SLC17A9: variants seen among roughly 807,000 people sequenced by gnomAD.
The protein encoded by SLC17A9 is voltage-gated purine nucleotide uniporter SLC17A9.
SLC17A9 carries 49 observed loss-of-function variants against 55.0 expected under a neutral mutation model. The ratio of observed to expected loss-of-function variants is 0.89; its 90% CI spans 0.71 to 1.13. SLC17A9 has a LOEUF of 1.13. Among genes scored for constraint, SLC17A9 ranks in the 50% most tolerant of loss-of-function variants. The pLI is 0.00. For missense variants in SLC17A9, 526 were observed against 569.3 expected, an observed-to-expected ratio of 0.92 and a Z score of 0.77; for synonymous variants, 256 against 247.4, an observed-to-expected ratio of 1.03 and a Z score of -0.32.
intron 1 of SLC17A9, among the ~76,000 whole-genome samples, chr20:62,955,148 T>C (rs968678301): frequency 6.6e-6 from 1 of 151,958 alleles, no homozygotes; most frequent in African/African-American, 2.4e-5. Context: ...TCTTTTTTTT[T>C]TTGAGATGGA....
chr20:62,954,811 C>T (rs569506327), intron 1 of SLC17A9, among the ~76,000 whole-genome samples: 2 of 152,342 alleles, frequency 1.3e-5, no homozygotes, highest in African/African-American at 4.8e-5. Flanking sequence ...TTGACTTCCT[C>T]CTTCCAAGGA....
In SLC17A9 at chr20:62,967,578, G is replaced by T; in HGVS notation, c.*78G>T. ...CAGGGGACTCAGTGTGTGGGACTTG[G>T]TCACTCCATGTCAGACACACGAGCA... On this transcript the variant is annotated 3_prime_UTR_variant, in exon 13 of 13. Coordinates refer to ENST00000370351, the MANE Select transcript of SLC17A9 (RefSeq NM_022082.4). 5 of 1,439,562 alleles carry T rather than the reference G, an allele frequency of 3.5e-6. No individual in the cohort carries two copies. The highest frequency in any genetic ancestry group is 4.7e-6 in the Non-Finnish European group (5 of 1,071,816). The allele number at this position is 1,439,562 out of a possible 1,614,324, so 89.2% of individuals were successfully genotyped here.
rs1334455166 is a variant in SLC17A9, at chr20:62,967,551, C to T, written c.*51C>T. Reference sequence around the variant, plus strand: ...GACCCAGGCGCCAGCAGCCCCAGGACACAGGGGACTCAGTGTGTGGGACTT... The same window carrying T: ...GACCCAGGCGCCAGCAGCCCCAGGATACAGGGGACTCAGTGTGTGGGACTT... On this transcript the variant is annotated 3_prime_UTR_variant, in exon 13 of 13. Transcript: ENST00000370351. 6.3e-7 allele frequency: 1 copy of T among 1,581,740 alleles called. No individual in the cohort carries two copies. The highest frequency in any genetic ancestry group is 1.7e-4 in the Middle Eastern group (1 of 5,750).
chr20:62,961,018 G>A (rs996878272), intron 4 of SLC17A9, among the ~76,000 whole-genome samples: 6 of 151,596 alleles, frequency 4.0e-5, no homozygotes, highest in African/African-American at 1.2e-4. Context: ...GCTGGAGGGC[G>A]GCTTGTCCTC....
chr20:62,953,201 C>G (rs774559565), intron 1 of SLC17A9: 2 of 1,550,402 alleles, frequency 1.3e-6, no homozygotes, highest in East Asian at 4.9e-5. Flanking sequence ...GGAGGCATAC[C>G]CCTCGCCAGG....
chr20:62,962,787 C>T lies in SLC17A9; in HGVS notation c.628+33C>T. 13 of 1,609,160 alleles carry T rather than the reference C, an allele frequency of 8.1e-6. No homozygotes were observed. Among genetic ancestry groups the T allele is most frequent in the Non-Finnish European group, 1.1e-5 (13 of 1,177,172 alleles). ...AGGCCGGGCGGGCTAGTCCCGGGCG[C>T]CCACAGCTGCCCAGTGCCTCCTCCC... is the stretch of plus-strand genomic sequence containing the variant. On this transcript the variant is annotated intron_variant, in intron 5 of 12. Transcript: ENST00000370351. The surrounding 1 kb of genome is among the most constrained non-coding windows in gnomAD (Gnocchi z 5.5).
Position 62,956,741 on chromosome 20 carries a change from G to A in SLC17A9, c.60-24G>A. The A allele has an allele frequency of 5.0e-6, 8 of 1,603,438 alleles. No individual in the cohort carries two copies. In the South Asian group the frequency reaches 8.9e-5, roughly 18 times the overall value. ...AGCAGGGCCGTGGGGCCTCCCCAGG[G>A]CCTGACCATCTCCTGTCCCACAGGC... On this transcript the variant is annotated intron_variant, in intron 1 of 12. Coordinates refer to ENST00000370351, the MANE Select transcript of SLC17A9 (RefSeq NM_022082.4).
chr20:62,953,060 G>C (rs951835485), intron 1 of SLC17A9, 171 bp downstream of exon 1: 2 of 1,194,222 alleles, frequency 1.7e-6, no homozygotes, highest in African/African-American at 3.0e-5. Context: ...GGAAGTGAGT[G>C]CCCTGTCCTT....
At chr20:62,954,481 C>G (rs2147642470) in intron 1 of SLC17A9, among the ~76,000 whole-genome samples, 1 of 152,378 alleles carries the variant, frequency 6.6e-6, no homozygotes, top group East Asian at 1.9e-4. Context: ...AGAAAGTTCA[C>G]AGGAAGCAGG....
chr20:62,960,425 A>G, intron 3 of SLC17A9, 79 bp from the exon 4 acceptor site: 3 of 1,375,902 alleles, frequency 2.2e-6, no homozygotes, highest in Non-Finnish European at 2.0e-6. Flanking sequence ...CTCTGGAATC[A>G]CAGCCCAAAC....
chr20:62,966,883 T>C, intron 12 of SLC17A9, 151 bp downstream of exon 12: 2 of 966,404 alleles, frequency 2.1e-6, no homozygotes, highest in Non-Finnish European at 3.0e-6. Flanking sequence ...GAGAGGAGGA[T>C]GGGGCTGCCT....
intron 8 of SLC17A9, 73 bp from the exon 9 acceptor site, chr20:62,965,059 C>G (rs377129385): frequency 6.3e-7 from 1 of 1,576,600 alleles, no homozygotes; most frequent in East Asian, 2.2e-5. Context: ...TGCAGCCATT[C>G]GGGATGGGAC....
At chr20:62,963,722 G>A in intron 7 of SLC17A9, 42 bp downstream of exon 7, 1 of 1,535,070 alleles carries the variant, frequency 6.5e-7, no homozygotes, top group Non-Finnish European at 8.8e-7. Context: ...CGCCCAGAAG[G>A]CACGAGGCTT....
rs984609018 is a variant in SLC17A9 at position 62,959,294 on chromosome 20, G to A, written c.398-1210G>A. 3.3e-5 allele frequency among the ~76,000 whole-genome samples: 5 copies of A among 152,226 alleles called. No individual in the cohort carries two copies. The South Asian group carries it at 1.0e-3, about 31-fold the overall frequency. On this transcript the variant is annotated intron_variant, in intron 3 of 12. Coordinates refer to ENST00000370351, the MANE Select transcript of SLC17A9 (RefSeq NM_022082.4). ...GCAGGCAGCCAGACCCCGTAGGCTC[G>A]CTGCCGCTCCAGCTGCGCTTCCTCT...
Position 62,965,591 on chromosome 20 carries a change from C to T in SLC17A9, c.946-19C>T, listed in dbSNP as rs367622093. 7.4e-4 allele frequency: 1,192 copies of T among 1,607,480 alleles called. 3 individuals carry two copies. Among genetic ancestry groups the T allele is most frequent in the South Asian group, 2.6e-3 (237 of 90,978 alleles). Reference sequence around the variant, plus strand: ...AGGCGGGCTGGGTGCCTCTCCGTCACGGTGGCGCTTTCCTGCAGGGCATGG... The same window carrying T: ...AGGCGGGCTGGGTGCCTCTCCGTCATGGTGGCGCTTTCCTGCAGGGCATGG... On this transcript the variant is annotated intron_variant, in intron 9 of 12. Coordinates refer to ENST00000370351, the MANE Select transcript of SLC17A9 (RefSeq NM_022082.4).
chr20:62,962,780 C>T lies in SLC17A9; in HGVS notation c.628+26C>T. ...GTAACGCAGGCCGGGCGGGCTAGTC[C>T]CGGGCGCCCACAGCTGCCCAGTGCC... On this transcript the variant is annotated intron_variant, in intron 5 of 12. Transcript: ENST00000370351. This position sits in a 1 kb window ranked among gnomAD's most constrained non-coding sequence, Gnocchi z 5.5. 6.2e-7 allele frequency: 1 copy of T among 1,611,674 alleles called. No homozygotes were observed. The highest frequency in any genetic ancestry group is 8.5e-7 in the Non-Finnish European group (1 of 1,178,626).
In SLC17A9 at chr20:62,963,581, C is replaced by T. The variant is rs745558569; in HGVS notation, c.726-3C>T. The stretch of plus-strand genomic sequence containing the variant: ...AGTCACGGTCCACCATTGGGCCCCG[C>T]AGGGCAGCCGTCGTCTCCCAGCTCT... On this transcript the variant is annotated splice_region_variant and splice_polypyrimidine_tract_variant and intron_variant, in intron 6 of 12. Coordinates refer to ENST00000370351, the MANE Select transcript of SLC17A9 (RefSeq NM_022082.4). The T allele has an allele frequency of 1.3e-6, 2 of 1,589,092 alleles. No individual in the cohort carries two copies. Among genetic ancestry groups the T allele is most frequent in the South Asian group, 1.1e-5 (1 of 87,240 alleles).
chr20:62,958,713 T>G lies in SLC17A9; in HGVS notation c.397+1133T>G, dbSNP rs1456827004. Among the ~76,000 whole-genome samples the G allele has an allele frequency of 6.6e-6, 1 of 152,160 alleles. No homozygotes were observed. Among genetic ancestry groups the G allele is most frequent in the Non-Finnish European group, 1.5e-5 (1 of 68,014 alleles). On this transcript the variant is annotated intron_variant, in intron 3 of 12. Transcript: ENST00000370351. The surrounding 1 kb of genome is among the most constrained non-coding windows in gnomAD (Gnocchi z 4.1). ...TCCAAGTCCAGAGACTTTGGGGAGTTCACTCCCAGGCCTCGTTCTCCTCCC... is the reference window on the plus strand; with the variant it reads ...TCCAAGTCCAGAGACTTTGGGGAGTGCACTCCCAGGCCTCGTTCTCCTCCC...
chr20:62,968,706 G>C lies in SLC17A9; in HGVS notation c.*1206G>C, dbSNP rs556787748. The stretch of plus-strand genomic sequence containing the variant: ...AGTGACACGTTGGAATCAGGTCAAA[G>C]GAGAATCCCAGGAACGGACTCCTAG... On this transcript the variant is annotated 3_prime_UTR_variant, in exon 13 of 13. Transcript: ENST00000370351. 2 of 152,354 alleles carry C rather than the reference G, an allele frequency of 1.3e-5. No individual in the cohort carries two copies. The highest frequency in any genetic ancestry group is 4.1e-4 in the South Asian group (2 of 4,824). The allele number at this position is 152,354 out of a possible 1,614,324, so 9.4% of individuals were successfully genotyped here.
Sources: allele counts gnomAD v4.1 joint callset (sites outside exome capture counted in the v4.1 genomes callset), GRCh38; gene constraint gnomAD v4.1.1; non-coding constraint Gnocchi (gnomAD v3.1); transcripts MANE v1.5; gene names NCBI Gene and HGNC (gene_info 2026-07-23, HGNC 2026-07-21).